Variants in VWA5B1 observed in about 807,000 individuals in gnomAD.
VWA5B1 encodes von Willebrand factor A domain-containing protein 5B1.
VWA5B1 carries 115 observed loss-of-function variants against 118.2 expected under a neutral mutation model. The ratio of observed to expected loss-of-function variants is 0.97; its 90% CI spans 0.84 to 1.14. The LOEUF is 1.14. Ranked by LOEUF, VWA5B1 falls within the 50% of genes most tolerant of loss-of-function variation. The pLI, the probability that VWA5B1 is intolerant of heterozygous loss-of-function variation, is 0.00. For synonymous variants in VWA5B1, 682 were observed against 658.4 expected, an observed-to-expected ratio of 1.04 and a Z score of -0.55; for missense variants, 1,596 against 1,603.8, an observed-to-expected ratio of 1.00 and a Z score of 0.08.
chr1:20,329,335 C>A (rs1337577301), intron 9 of VWA5B1, among the ~76,000 whole-genome samples: 1 of 90,612 alleles, frequency 1.1e-5, no homozygotes, highest in Non-Finnish European at 2.0e-5. Flanking sequence ...GTCTCTCTTT[C>A]TCTGTCACCC....
At chr1:20,300,803 C>T (rs2088488626) in intron 1 of VWA5B1, among the ~76,000 whole-genome samples, 1 of 152,210 alleles carries the variant, frequency 6.6e-6, no homozygotes, top group African/African-American at 2.4e-5. Flanking sequence ...GGAAGAAGTA[C>T]AGTTTTGACC....
intron 14 of VWA5B1, among the ~76,000 whole-genome samples, chr1:20,339,987 C>T (rs1334069917): frequency 1.3e-5 from 2 of 152,198 alleles, no homozygotes; most frequent in Non-Finnish European, 2.9e-5. Flanking sequence ...AGATGCAGCG[C>T]CTGGCCCAGC....
At chr1:20,317,021 T>G (rs1313815239) in intron 4 of VWA5B1, among the ~76,000 whole-genome samples, 1 of 151,772 alleles carries the variant, frequency 6.6e-6, no homozygotes, top group Non-Finnish European at 1.5e-5. Flanking sequence ...CCGTGCGTAG[T>G]GGCGGGCACC....
At chr1:20,322,492 T>C (rs2064073) in intron 7 of VWA5B1, among the ~76,000 whole-genome samples, 79,378 of 152,078 alleles carry the variant, frequency 0.52, 21,642 homozygotes, top group East Asian at 0.91. Context: ...CCCTGTCCCT[T>C]CCTTAATCTT....
chr1:20,299,080 C>T (rs1459427209), intron 1 of VWA5B1, among the ~76,000 whole-genome samples: 1 of 152,198 alleles, frequency 6.6e-6, no homozygotes, highest in East Asian at 1.9e-4. Context: ...TATGAGGGAT[C>T]CATGTGATCA....
At chr1:20,292,265 C>T (rs550613692) in intron 1 of VWA5B1, among the ~76,000 whole-genome samples, 15 of 151,770 alleles carry the variant, frequency 9.9e-5, no homozygotes, top group Non-Finnish European at 2.1e-4. Context: ...CTTCCCTGGG[C>T]TCACCTGTCT....
intron 8 of VWA5B1, among the ~76,000 whole-genome samples, chr1:20,324,336 C>G (rs188503117): frequency 2.5e-4 from 38 of 152,254 alleles, no homozygotes; most frequent in African/African-American, 8.9e-4. Context: ...TGATAGAATC[C>G]TCCCCCCTCA....
At chr1:20,291,393 C>G (rs2088301760) in intron 1 of VWA5B1, among the ~76,000 whole-genome samples, 1 of 148,188 alleles carries the variant, frequency 6.7e-6, no homozygotes. Flanking sequence ...CTCTTTCTGT[C>G]TCCTCTATTT....
intron 8 of VWA5B1, among the ~76,000 whole-genome samples, chr1:20,326,307 T>A (rs2089378129): frequency 6.6e-6 from 1 of 151,804 alleles, no homozygotes; most frequent in Admixed American, 6.6e-5. Flanking sequence ...TTCTTCTAGA[T>A]CATGAAGGAT....
intron 1 of VWA5B1, among the ~76,000 whole-genome samples, chr1:20,308,304 C>T (rs1377090529): frequency 6.6e-6 from 1 of 152,192 alleles, no homozygotes; most frequent in Non-Finnish European, 1.5e-5. Flanking sequence ...CTAAGCCCCG[C>T]TCCCTGGGCC....
At chr1:20,317,844 A>C (rs2089070530) in intron 5 of VWA5B1, among the ~76,000 whole-genome samples, 169 bp downstream of exon 5, 1 of 151,960 alleles carries the variant, frequency 6.6e-6, no homozygotes, top group Admixed American at 6.6e-5. Flanking sequence ...AAGCAGCCCA[A>C]AGATAAGTCC....
intron 1 of VWA5B1, chr1:20,294,114 G>A (rs76676312): frequency 4.1e-4 from 63 of 152,392 alleles, no homozygotes; most frequent in African/African-American, 1.4e-3. Context: ...GAGGCTTGCA[G>A]TCTCAAGTGG....
chr1:20,292,104 T>TCTTTCC (rs1432044780), intron 1 of VWA5B1, among the ~76,000 whole-genome samples: 1 of 152,180 alleles, frequency 6.6e-6, no homozygotes, highest in African/African-American at 2.4e-5. Flanking sequence ...TTTTTCTTTT[T>TCTTTCC]CTTTCCCTCT....
Position 20,318,647 on chromosome 1 carries a change from C to G in VWA5B1, c.767C>G (p.Ala256Gly). ...GACGCCGCCCCATCTGCCCGCTCGG[C>G]CAAGAGCATCATCATCACCTTGGCC... ...RADAAPSARS[A>G]KSIIITLANK... is the part of the protein sequence containing the mutation. Residue 256 changes from alanine (A) to glycine (G), a missense_variant, in exon 6 of 22, where the codon GCC becomes GGC. Coordinates refer to ENST00000289815, the MANE Select transcript of VWA5B1 (RefSeq NM_001039500.3). The G allele has an allele frequency of 1.3e-6, 2 of 1,550,262 alleles. No homozygotes were observed. The highest frequency in any genetic ancestry group is 2.4e-5 in the South Asian group (2 of 83,782).
intron 18 of VWA5B1, 41 bp from the exon 19 acceptor site, chr1:20,350,115 G>A (rs750550216): frequency 3.3e-5 from 51 of 1,536,972 alleles, no homozygotes; most frequent in Middle Eastern, 1.7e-4. Context: ...AGGCGAGGAA[G>A]GGAGGGGAGA....
Position 20,330,279 on chromosome 1 carries a change from G to A in VWA5B1, c.1354G>A (p.Val452Met). ...TCTCAAGTGGGTCATCAGGCAGCCA[G>A]TGCACCGAGGCCACCCGCGGCTCCT... The part of the protein sequence containing the change: ...SPLKWVIRQP[V>M]HRGHPRLLFV... Residue 452 changes from valine (V) to methionine (M), a missense_variant, in exon 10 of 22, where the codon GTG becomes ATG. Physicochemically the swap from Val to Met is conservative, Grantham distance 21 (BLOSUM62 1). Transcript: ENST00000289815. 1.3e-6 allele frequency: 2 copies of A among 1,551,824 alleles called. No individual in the cohort carries two copies. Among genetic ancestry groups the A allele is most frequent in the Non-Finnish European group, 1.7e-6 (2 of 1,147,038 alleles).
rs181239251 is a variant in VWA5B1, at chr1:20,347,613, A to G, written c.2765-632A>G. 2.7e-3 allele frequency among the ~76,000 whole-genome samples: 414 copies of G among 151,740 alleles called. 1 individual carries two copies. Among genetic ancestry groups the G allele is most frequent in the Non-Finnish European group, 3.8e-3 (255 of 67,912 alleles). On this transcript the variant is annotated intron_variant, in intron 17 of 21. Transcript: ENST00000289815. ...CACTACCACACCCAGCTAATTTTTT[A>G]TTTTTATTTTTTATTTTTTTATTTT...
intron 12 of VWA5B1, among the ~76,000 whole-genome samples, chr1:20,334,216 A>G (rs2089651202): frequency 6.6e-6 from 1 of 152,204 alleles, no homozygotes; most frequent in South Asian, 2.1e-4. Context: ...TGATCAGGTT[A>G]ATGGTTAATG....
intron 4 of VWA5B1, among the ~76,000 whole-genome samples, chr1:20,315,114 CA>C (rs1570100374): frequency 6.6e-6 from 1 of 152,226 alleles, no homozygotes; most frequent in East Asian, 1.9e-4. Flanking sequence ...CCTAGGGGGC[CA>C]GGGGCTGGAC....
Sources: allele counts gnomAD v4.1 joint callset (sites outside exome capture counted in the v4.1 genomes callset), GRCh38; gene constraint gnomAD v4.1.1; transcripts MANE v1.5; gene names NCBI Gene and HGNC (gene_info 2026-07-23, HGNC 2026-07-21).